Variants in AKAP7 observed in about 807,000 individuals in gnomAD.
The protein encoded by AKAP7 is A-kinase anchoring protein 7.
AKAP7 carries 39 observed loss-of-function variants against 39.5 expected under a neutral mutation model. The ratio of observed to expected loss-of-function variants is 0.99; its 90% CI spans 0.76 to 1.29. The LOEUF (loss-of-function observed/expected upper bound fraction) is 1.29. Among genes scored for constraint, AKAP7 ranks in the 50% most tolerant of loss-of-function variants. AKAP7 has a pLI of 0.00. For synonymous variants in AKAP7, 140 were observed against 139.1 expected (o/e 1.01, Z -0.05); for missense variants, 414 against 407.7 (o/e 1.02, Z -0.13).
In AKAP7 at chr6:131,185,063, C is replaced by T. The variant is rs1036584729; in HGVS notation, c.590-14398C>T. The T allele has an allele frequency of 1.8e-4, 129 of 709,912 alleles. No individual in the cohort carries two copies. The African/African-American group carries it at 2.0e-3, about 11-fold the overall frequency. The allele number at this position is 709,912 out of a possible 1,614,324, so 44.0% of individuals were successfully genotyped here. On this transcript the variant is annotated intron_variant, in intron 5 of 7. Coordinates refer to ENST00000431975, the MANE Select transcript of AKAP7 (RefSeq NM_016377.4). ...GACTGTTTGTCACAGGAAACTTGCC[C>T]AGGCTGTCATCATCAACTCGGGGAT...
At chr6:131,142,853 G>A (rs1444224808) in intron 1 of AKAP7, among the ~76,000 whole-genome samples, 2 of 152,364 alleles carry the variant, frequency 1.3e-5, no homozygotes, top group African/African-American at 4.8e-5. Context: ...ACTGCCTAAG[G>A]CTTTGGGAGC....
At chr6:131,203,366 A>G (rs1807796134) in intron 6 of AKAP7, among the ~76,000 whole-genome samples, 1 of 152,216 alleles carries the variant, frequency 6.6e-6, no homozygotes. Context: ...CCATTAAATA[A>G]AGATGATCGT....
chr6:131,213,929 CTGT>C (rs1238078790), intron 6 of AKAP7, among the ~76,000 whole-genome samples: 1 of 152,226 alleles, frequency 6.6e-6, no homozygotes, highest in Admixed American at 6.5e-5. Flanking sequence ...TGCCAGTGAC[CTGT>C]TGTTCTCTCT....
chr6:131,216,503 G>T (rs1189771937), intron 6 of AKAP7, among the ~76,000 whole-genome samples: 1 of 152,152 alleles, frequency 6.6e-6, no homozygotes, highest in African/African-American at 2.4e-5. Flanking sequence ...TTACAACCAA[G>T]AATGAAATTC....
At chr6:131,253,461 G>A (rs1005997539) in intron 7 of AKAP7, among the ~76,000 whole-genome samples, 3 of 152,026 alleles carry the variant, frequency 2.0e-5, no homozygotes, top group Non-Finnish European at 4.4e-5. Context: ...TCCTTGTGGC[G>A]GGAATATTTC....
chr6:131,272,877 G>A (rs1814409159), intron 7 of AKAP7, among the ~76,000 whole-genome samples: 1 of 152,168 alleles, frequency 6.6e-6, no homozygotes, highest in Non-Finnish European at 1.5e-5. Context: ...TAGTACTGTA[G>A]TTTATGTCTT....
intron 7 of AKAP7, among the ~76,000 whole-genome samples, chr6:131,279,000 A>G (rs1041704159): frequency 1.3e-5 from 2 of 152,162 alleles, no homozygotes; most frequent in Non-Finnish European, 2.9e-5. Context: ...GCAGCCAGGA[A>G]AGGCAAATTT....
At chr6:131,215,756 T>C (rs1239069662) in intron 6 of AKAP7, among the ~76,000 whole-genome samples, 2 of 152,230 alleles carry the variant, frequency 1.3e-5, no homozygotes, top group African/African-American at 2.4e-5. Flanking sequence ...TCTTAACCAA[T>C]ATAACATTAA....
intron 7 of AKAP7, among the ~76,000 whole-genome samples, chr6:131,234,533 G>T (rs1923620): frequency 1.3e-5 from 2 of 151,922 alleles, no homozygotes; most frequent in Non-Finnish European, 2.9e-5. Flanking sequence ...AAGCGACCCA[G>T]TGAAGTCTGT....
At chr6:131,238,874 G>A (rs1013327054) in intron 7 of AKAP7, among the ~76,000 whole-genome samples, 5 of 152,162 alleles carry the variant, frequency 3.3e-5, no homozygotes, top group South Asian at 2.1e-4. Flanking sequence ...TTGCCAGTCC[G>A]TGTCTTTTAA....
chr6:131,242,649 G>T (rs892911039), intron 7 of AKAP7, among the ~76,000 whole-genome samples: 1 of 151,950 alleles, frequency 6.6e-6, no homozygotes, highest in East Asian at 1.9e-4. Flanking sequence ...CATTTTCTTC[G>T]TTTTCACTGT....
intron 3 of AKAP7, among the ~76,000 whole-genome samples, chr6:131,160,641 A>T (rs1003217929): frequency 1.3e-5 from 2 of 152,212 alleles, no homozygotes; most frequent in Non-Finnish European, 2.9e-5. Flanking sequence ...GAGAGAAATG[A>T]CCAGTTGAAA....
At chr6:131,262,540 T>G (rs1047461736) in intron 7 of AKAP7, among the ~76,000 whole-genome samples, 1 of 152,100 alleles carries the variant, frequency 6.6e-6, no homozygotes, top group African/African-American at 2.4e-5. Context: ...AAATGATGTA[T>G]TTTTCACAAT....
chr6:131,180,007 C>T (rs1804995301), intron 5 of AKAP7, among the ~76,000 whole-genome samples: 1 of 152,354 alleles, frequency 6.6e-6, no homozygotes, highest in African/African-American at 2.4e-5. Flanking sequence ...TTTCCACACT[C>T]AGAGCCTTGG....
chr6:131,142,311 G>A (rs1801110926), intron 1 of AKAP7, among the ~76,000 whole-genome samples: 1 of 152,236 alleles, frequency 6.6e-6, no homozygotes, highest in Non-Finnish European at 1.5e-5. Context: ...GCCTAGAATG[G>A]TTTTAGGGGA....
intron 5 of AKAP7, among the ~76,000 whole-genome samples, chr6:131,190,148 A>AG (rs1806267848): frequency 6.6e-6 from 1 of 152,224 alleles, no homozygotes; most frequent in Non-Finnish European, 1.5e-5. Context: ...AGTACTTTTC[A>AG]AAAAGAAGGC....
Position 131,282,186 on chromosome 6 carries a change from A to G in AKAP7, c.*460A>G. 2.3e-6 allele frequency: 3 copies of G among 1,277,158 alleles called. No individual in the cohort carries two copies. Among genetic ancestry groups the G allele is most frequent in the Admixed American group, 3.7e-5 (1 of 26,684 alleles). 79.1% of individuals were successfully genotyped at this position (1,277,158 alleles called of 1,614,324 possible). ...GAATTGTCATCTGTACAATTAGTCC[A>G]TAATGTTTCATGTTTGTCCTAAGTG... On this transcript the variant is annotated 3_prime_UTR_variant, in exon 8 of 8. Coordinates refer to ENST00000431975, the MANE Select transcript of AKAP7 (RefSeq NM_016377.4).
At chr6:131,208,335 T>C (rs1808325906) in intron 6 of AKAP7, among the ~76,000 whole-genome samples, 1 of 152,258 alleles carries the variant, frequency 6.6e-6, no homozygotes, top group South Asian at 2.1e-4. Context: ...TTGGAATCTT[T>C]CAGTACTTTG....
chr6:131,129,556 T>C, the AKAP7 span, among the ~76,000 whole-genome samples: 2 of 152,236 alleles, frequency 1.3e-5, no homozygotes, highest in African/African-American at 2.4e-5. Flanking sequence ...AACAACATGT[T>C]ACTTACATAA....
Sources: allele counts gnomAD v4.1 joint callset (sites outside exome capture counted in the v4.1 genomes callset), GRCh38; gene constraint gnomAD v4.1.1; transcripts MANE v1.5; gene names NCBI Gene and HGNC (gene_info 2026-07-23, HGNC 2026-07-21).